The following MEIS2 variants were observed in gnomAD, a reference collection of about 807,000 sequenced individuals.
MEIS2 encodes the protein homeobox protein Meis2.
A neutral mutation model predicts 58.6 loss-of-function variants in MEIS2; 9 were observed. That is an observed-to-expected ratio of 0.15 (90% CI 0.09 to 0.27). The LOEUF is 0.27. MEIS2 is among the 10% of genes least tolerant of loss of function. The probability of loss-of-function intolerance (pLI) is 1.00; values close to 1 mark genes in which losing one functional copy is unlikely to be tolerated. For synonymous variants in MEIS2, 221 were observed against 228.4 expected, an observed-to-expected ratio of 0.97 and a Z score of 0.29; for missense variants, 427 against 635.0, an observed-to-expected ratio of 0.67 and a Z score of 3.52.
At chr15:36,963,518 G>A (rs1318303214) in intron 8 of MEIS2, among the ~76,000 whole-genome samples, 2 of 152,150 alleles carry the variant, frequency 1.3e-5, no homozygotes, top group Non-Finnish European at 1.5e-5. Flanking sequence ...GGTATTTGTA[G>A]GTGTAAAATT....
In MEIS2 at chr15:37,002,127, C is replaced by T. The variant is rs565974960; in HGVS notation, c.900+34687G>A. 7.4e-4 allele frequency among the ~76,000 whole-genome samples: 113 copies of T among 152,322 alleles called. No individual in the cohort carries two copies. In the South Asian group the frequency reaches 8.9e-3, roughly 12 times the overall value. On this transcript the variant is annotated intron_variant, in intron 8 of 11. Transcript: ENST00000561208. ...ATCCTTAACCAATGTGGTCTCTAGT[C>T]TGAATAGACCTGCCCTCCCAACATC...
At position 36,995,214 on chromosome 15, in the gene MEIS2, A is replaced by T. The variant is rs201696495; in HGVS notation, c.900+41600T>A. Among the ~76,000 whole-genome samples the T allele has an allele frequency of 8.5e-5, 13 of 152,300 alleles. No individual in the cohort carries two copies. The East Asian group carries it at 2.3e-3, about 27-fold the overall frequency. Reference sequence around the variant, plus strand: ...TGGTCAATACTGCAAATGTCTGTAAATTATCTGGCGGTTTTATGTAAAGTC... The same window carrying T: ...TGGTCAATACTGCAAATGTCTGTAATTTATCTGGCGGTTTTATGTAAAGTC... On this transcript the variant is annotated intron_variant, in intron 8 of 11. Transcript: ENST00000561208.
chr15:36,929,976 G>T (rs551112122), intron 9 of MEIS2, among the ~76,000 whole-genome samples: 3 of 152,184 alleles, frequency 2.0e-5, no homozygotes, highest in South Asian at 2.1e-4. Flanking sequence ...GCCAAGGTGG[G>T]TGGATCAGCT....
intron 1 of MEIS2, 99 bp downstream of exon 1, chr15:37,099,356 C>T: frequency 6.4e-7 from 1 of 1,569,150 alleles, no homozygotes; most frequent in Non-Finnish European, 8.6e-7. Context: ...CATCAAGCAG[C>T]GAGCAGCAGC....
intron 8 of MEIS2, among the ~76,000 whole-genome samples, chr15:36,989,287 T>C (rs913683961): frequency 6.6e-6 from 1 of 152,240 alleles, no homozygotes. Flanking sequence ...CTGTAAATTT[T>C]CAGCCCAGTG....
intron 8 of MEIS2, among the ~76,000 whole-genome samples, chr15:37,020,546 G>A (rs761169822): frequency 6.6e-6 from 1 of 152,054 alleles, no homozygotes; most frequent in African/African-American, 2.4e-5. Flanking sequence ...GTGCTTTGAG[G>A]AAACATTTGA....
Position 36,892,414 on chromosome 15 carries a change from A to G in MEIS2, c.1193T>C (p.Met398Thr), listed in dbSNP as rs930989017. 34 of 1,614,036 alleles carry G rather than the reference A, an allele frequency of 2.1e-5. No homozygotes were observed. Among genetic ancestry groups the G allele is most frequent in the Non-Finnish European group, 2.9e-5 (34 of 1,179,990 alleles). The change falls in exon 12 of 12, where the codon ATG becomes ACG. Residue 398 changes from methionine to threonine, a missense_variant. Coordinates refer to ENST00000561208, the MANE Select transcript of MEIS2 (RefSeq NM_170675.5). ...ACTTGGCTGTGCCATACTCATTCCC[A>G]TAGGACCACCCTGAGAAACGTAGTC... is the stretch of plus-strand genomic sequence containing the variant. Reference protein sequence around the residue: ...PGDYVSQGGPMGMSMAQPSYT... With the variant: ...PGDYVSQGGPTGMSMAQPSYT...
chr15:36,999,724 C>T (rs1245330655), intron 8 of MEIS2, among the ~76,000 whole-genome samples: 1 of 152,202 alleles, frequency 6.6e-6, no homozygotes, highest in Admixed American at 6.5e-5. Context: ...TCTGTGAAAA[C>T]TGATCAAAGT....
At chr15:36,998,635 C>CT (rs1198969314) in intron 8 of MEIS2, among the ~76,000 whole-genome samples, 1 of 152,148 alleles carries the variant, frequency 6.6e-6, no homozygotes, top group Non-Finnish European at 1.5e-5. Flanking sequence ...CTTAAACACT[C>CT]TTTACATTTA....
chr15:37,020,674 C>CTTT lies in MEIS2; in HGVS notation c.900+16137_900+16139dup, dbSNP rs556555396. ...ATGGCATTACTCTTGGCATTCTGGT[C>CTTT]TTTTTTTTTTTTTTTAATCTCACCA... is the stretch of plus-strand genomic sequence containing the variant. On this transcript the variant is annotated intron_variant, in intron 8 of 11. Coordinates refer to ENST00000561208, the MANE Select transcript of MEIS2 (RefSeq NM_170675.5). Among the ~76,000 whole-genome samples, 783 of 138,710 alleles carry CTTT rather than the reference C, an allele frequency of 5.6e-3. 10 individuals are homozygous for CTTT. Among genetic ancestry groups the CTTT allele is most frequent in the Non-Finnish European group, 5.0e-3 (324 of 64,210 alleles). The allele number at this position is 138,710 out of a possible 152,430, so 91.0% of individuals were successfully genotyped here.
chr15:36,908,895 C>T (rs998131540), intron 9 of MEIS2, among the ~76,000 whole-genome samples: 2 of 151,836 alleles, frequency 1.3e-5, no homozygotes, highest in African/African-American at 2.4e-5. Flanking sequence ...GCCGAGATGG[C>T]GCCATTGCAC....
At chr15:37,094,873 T>C (rs2140091789) in intron 4 of MEIS2, 1 of 198,986 alleles carries the variant, frequency 5.0e-6, no homozygotes. Flanking sequence ...GGGCCAGGCC[T>C]TTTTTCTCCT....
chr15:36,913,884 T>C (rs2057156147), intron 9 of MEIS2, among the ~76,000 whole-genome samples: 1 of 152,178 alleles, frequency 6.6e-6, no homozygotes, highest in African/African-American at 2.4e-5. Context: ...GGATCCGCCA[T>C]CTTGTTTTGC....
chr15:36,958,853 T>C (rs2059083805), intron 8 of MEIS2, among the ~76,000 whole-genome samples: 1 of 152,184 alleles, frequency 6.6e-6, no homozygotes, highest in Admixed American at 6.5e-5. Context: ...CATTTCACAT[T>C]TCCACACTAT....
chr15:37,090,629 T>G (rs543332264), intron 6 of MEIS2, among the ~76,000 whole-genome samples: 3 of 152,224 alleles, frequency 2.0e-5, no homozygotes, highest in Admixed American at 6.5e-5. Flanking sequence ...TCTCTGCTTT[T>G]CTCTCTCTCC....
rs1448076302 is a variant in MEIS2, at chr15:37,100,525, C to G, written c.-1059G>C. 2 of 143,006 alleles carry G rather than the reference C, an allele frequency of 1.4e-5. No individual in the cohort carries two copies. The highest frequency in any genetic ancestry group is 5.3e-5 in the African/African-American group (2 of 37,590). 8.9% of individuals were successfully genotyped at this position (143,006 alleles called of 1,614,324 possible). A position where few individuals can be genotyped will look rare whatever the true frequency, so the allele number is the denominator to read the frequency against. Reference sequence around the variant, plus strand: ...GGGAGCGAGGAGGAGCGCGCCGCGCCGAGCCTCTGATATGCAACGAGTGCG... The same window carrying G: ...GGGAGCGAGGAGGAGCGCGCCGCGCGGAGCCTCTGATATGCAACGAGTGCG... On this transcript the variant is annotated 5_prime_UTR_variant, in exon 1 of 12. Transcript: ENST00000561208.
intron 6 of MEIS2, among the ~76,000 whole-genome samples, chr15:37,091,396 A>G (rs1018576599): frequency 1.1e-4 from 16 of 152,282 alleles, no homozygotes; most frequent in African/African-American, 3.4e-4. Context: ...CAAAACAAAT[A>G]GCAGGGGGCT....
chr15:37,090,017 A>G (rs185686876), intron 6 of MEIS2, among the ~76,000 whole-genome samples: 7 of 152,286 alleles, frequency 4.6e-5, no homozygotes, highest in Non-Finnish European at 7.4e-5. Flanking sequence ...TTTTTTAGAC[A>G]TATTTATTTT....
chr15:36,980,176 A>C (rs1297507408), intron 8 of MEIS2, among the ~76,000 whole-genome samples: 1 of 152,064 alleles, frequency 6.6e-6, no homozygotes, highest in African/African-American at 2.4e-5. Context: ...TTTATTGTGA[A>C]TAATTCCCCT....
Sources: allele counts gnomAD v4.1 joint callset (sites outside exome capture counted in the v4.1 genomes callset), GRCh38; gene constraint gnomAD v4.1.1; transcripts MANE v1.5; gene names NCBI Gene and HGNC (gene_info 2026-07-23, HGNC 2026-07-21).